Variants in KPNA7 observed in about 807,000 individuals in gnomAD.
The protein encoded by KPNA7 is importin subunit alpha-8.
KPNA7 carries 54 observed loss-of-function variants against 53.7 expected under a neutral mutation model. The observed-to-expected ratio is 1.01, with a 90% CI of 0.81 to 1.26. KPNA7 has a LOEUF of 1.26. KPNA7 is among the 50% of genes most tolerant of loss of function. The probability of loss-of-function intolerance (pLI) is 0.00; values close to 1 mark genes in which losing one functional copy is unlikely to be tolerated. For synonymous variants in KPNA7, 276 were observed against 259.3 expected, an observed-to-expected ratio of 1.06 and a Z score of -0.62; for missense variants, 640 against 644.5, an observed-to-expected ratio of 0.99 and a Z score of 0.07.
At chr7:99,166,217 C>G in the KPNA7 span, among the ~76,000 whole-genome samples, 4 of 152,202 alleles carry the variant, frequency 2.6e-5, no homozygotes, top group Admixed American at 2.6e-4. Flanking sequence ...GACTAATACA[C>G]TGGGATTACA....
At chr7:99,215,683 TCTTTA>T (rs548930072) in intron 1 of KPNA7, among the ~76,000 whole-genome samples, 259 of 152,198 alleles carry the variant, frequency 1.7e-3, no homozygotes, top group African/African-American at 5.7e-3. Flanking sequence ...GCCCTGTCGT[TCTTTA>T]CTTAAGAAAG....
intron 6 of KPNA7, among the ~76,000 whole-genome samples, chr7:99,191,467 C>T (rs1398961448): frequency 6.6e-6 from 1 of 152,280 alleles, no homozygotes; most frequent in East Asian, 1.9e-4. Flanking sequence ...GGCAGGCAAC[C>T]AGAAGGGCCT....
chr7:99,181,059 G>C (rs1325887824), intron 9 of KPNA7, among the ~76,000 whole-genome samples: 1 of 27,654 alleles, frequency 3.6e-5, no homozygotes, highest in African/African-American at 1.5e-4. Context: ...CTCTCCGTCT[G>C]TGTCTCTCTC....
the KPNA7 span, among the ~76,000 whole-genome samples, chr7:99,162,739 TTTTA>T: frequency 1.6e-4 from 25 of 152,184 alleles, no homozygotes; most frequent in Non-Finnish European, 2.8e-4. Flanking sequence ...CTTCCAGCTC[TTTTA>T]ATTAAAAAAA....
Position 99,185,073 on chromosome 7 carries a change from G to A in KPNA7, c.990C>T (p.Leu330=), listed in dbSNP as rs879214646. ...MAIDAGMLNV[L]PQLLQHNKPS... is the part of the protein sequence containing the mutation. ...GCTTGTTGTGTTGCAGGAGCTGGGG[G>A]AGCACGTTCAGCATACCCGCATCAA... Residue 330 remains leucine (L), a synonymous_variant, in exon 8 of 11, where the codon CTC becomes CTT. Coordinates refer to ENST00000327442, the MANE Select transcript of KPNA7 (RefSeq NM_001145715.3). The A allele has an allele frequency of 1.9e-6, 3 of 1,551,770 alleles. No homozygotes were observed. The highest frequency in any genetic ancestry group is 2.4e-5 in the South Asian group (2 of 84,060).
chr7:99,203,029 T>TTA, intron 3 of KPNA7, 77 bp downstream of exon 3: 3 of 1,486,990 alleles, frequency 2.0e-6, no homozygotes, highest in Non-Finnish European at 1.8e-6. Flanking sequence ...GTTCTGAATC[T>TTA]ATTAAATATT....
chr7:99,162,971 G>A, the KPNA7 span, among the ~76,000 whole-genome samples: 2 of 151,964 alleles, frequency 1.3e-5, no homozygotes, highest in Non-Finnish European at 2.9e-5. Context: ...AACTGAGGTC[G>A]GGAGTTCAAG....
the KPNA7 span, among the ~76,000 whole-genome samples, chr7:99,161,950 A>G: frequency 2.0e-5 from 3 of 152,098 alleles, no homozygotes; most frequent in East Asian, 5.8e-4. Context: ...CTGCCTTATA[A>G]TGCATGCCAT....
chr7:99,213,430 TAAAAAAAAAAA>T (rs61231738), intron 1 of KPNA7, among the ~76,000 whole-genome samples: 23 of 72,910 alleles, frequency 3.2e-4, no homozygotes, highest in South Asian at 2.6e-3. Flanking sequence ...CCTGGCCTTT[TAAAAAAAAAAA>T]AAAAAAAAAA....
At chr7:99,160,033 T>G in the KPNA7 span, among the ~76,000 whole-genome samples, 9 of 143,814 alleles carry the variant, frequency 6.3e-5, no homozygotes, top group African/African-American at 2.1e-4. Context: ...TTTTTTTTTT[T>G]TTTTTTTTTG....
At chr7:99,188,034 G>A (rs903480718) in intron 7 of KPNA7, among the ~76,000 whole-genome samples, 1 of 151,202 alleles carries the variant, frequency 6.6e-6, no homozygotes, top group African/African-American at 2.4e-5. Context: ...AATGAGCCGG[G>A]CGTGGTCGTT....
the KPNA7 span, among the ~76,000 whole-genome samples, chr7:99,147,690 C>T: frequency 6.6e-6 from 1 of 152,126 alleles, no homozygotes; most frequent in African/African-American, 2.4e-5. Context: ...ACTCGGGAGG[C>T]TGAGGCAGGA....
the KPNA7 span, among the ~76,000 whole-genome samples, chr7:99,167,144 C>T: frequency 0.012 from 1,802 of 152,324 alleles, 33 homozygotes; most frequent in African/African-American, 0.041. Context: ...GCTCCAGCCA[C>T]GGAGCCTGCT....
chr7:99,212,789 T>C (rs575361272), upstream of KPNA7, among the ~76,000 whole-genome samples: 2 of 152,046 alleles, frequency 1.3e-5, no homozygotes, highest in East Asian at 3.9e-4. Context: ...TAGTCCCAGA[T>C]ACTCGGTGGG....
At chr7:99,163,359 G>GTT in the KPNA7 span, among the ~76,000 whole-genome samples, 1 of 66,448 alleles carries the variant, frequency 1.5e-5, no homozygotes, top group Non-Finnish European at 2.7e-5. Flanking sequence ...ATGAGTGTGT[G>GTT]TATATATATA....
chr7:99,171,128 G>C (rs2150690134), downstream of KPNA7, among the ~76,000 whole-genome samples: 1 of 152,316 alleles, frequency 6.6e-6, no homozygotes, highest in Non-Finnish European at 1.5e-5. Context: ...GCTGAGGCAG[G>C]AGAATCGCTT....
chr7:99,201,819 C>T (rs1790553925), intron 3 of KPNA7, among the ~76,000 whole-genome samples: 1 of 151,892 alleles, frequency 6.6e-6, no homozygotes. Flanking sequence ...AGCAACTCTC[C>T]TGCTCAGCCT....
chr7:99,148,019 TAAAA>T, the KPNA7 span, among the ~76,000 whole-genome samples: 522 of 141,558 alleles, frequency 3.7e-3, 5 homozygotes, highest in Non-Finnish European at 5.9e-3. Flanking sequence ...CCCATGTCTT[TAAAA>T]AAAAAAAAAA....
rs1242976218 is a variant in KPNA7, at chr7:99,187,797, TTTAAAAAAAAAAAAAAAAAAAA to T, written c.900+481_900+502del. Among the ~76,000 whole-genome samples the T allele has an allele frequency of 8.8e-5, 7 of 79,974 alleles. 1 individual carries two copies. Among genetic ancestry groups the T allele is most frequent in the South Asian group, 3.5e-4 (1 of 2,856 alleles). The allele number at this position is 79,974 out of a possible 152,430, so 52.5% of individuals were successfully genotyped here. A position where few individuals can be genotyped will look rare whatever the true frequency, so the allele number is the denominator to read the frequency against. On this transcript the variant is annotated intron_variant, in intron 7 of 10. Coordinates refer to ENST00000327442, the MANE Select transcript of KPNA7 (RefSeq NM_001145715.3). The stretch of plus-strand genomic sequence containing the variant: ...TGAGCCACCGTGCCCGGCCTTTTTT[TTTAAAAAAAAAAAAAAAAAAAA>T]AAAAAAAAAAAAAAAACCCACTAGG...
Sources: allele counts gnomAD v4.1 joint callset (sites outside exome capture counted in the v4.1 genomes callset), GRCh38; gene constraint gnomAD v4.1.1; transcripts MANE v1.5; gene names NCBI Gene and HGNC (gene_info 2026-07-23, HGNC 2026-07-21).